Variants in SLC10A7 observed in about 807,000 individuals in gnomAD.
SLC10A7 encodes sodium/bile acid cotransporter 7.
SLC10A7 carries 29 observed loss-of-function variants against 43.2 expected under a neutral mutation model. The observed-to-expected ratio is 0.67, with a 90% confidence interval of 0.50 to 0.92. SLC10A7 has a LOEUF of 0.92. Ranked by LOEUF, SLC10A7 falls within the 40% of genes least tolerant of loss-of-function variation. The pLI, the probability that SLC10A7 is intolerant of heterozygous loss-of-function variation, is 0.00. For missense variants in SLC10A7, 295 were observed against 403.2 expected (o/e 0.73, Z 2.30); for synonymous variants, 152 against 144.8 (o/e 1.05, Z -0.35).
chr4:146,339,942 G>A (rs1447952217), intron 5 of SLC10A7, among the ~76,000 whole-genome samples: 3 of 151,050 alleles, frequency 2.0e-5, no homozygotes, highest in Non-Finnish European at 3.0e-5. Context: ...AGCTCCGCAT[G>A]CATTAGATAT....
At chr4:146,417,264 C>T (rs555571965) in intron 5 of SLC10A7, among the ~76,000 whole-genome samples, 1 of 152,268 alleles carries the variant, frequency 6.6e-6, no homozygotes, top group South Asian at 2.1e-4. Flanking sequence ...CAGGATGAAG[C>T]TTGAGAGGGA....
chr4:146,379,197 C>T (rs1349979125), intron 5 of SLC10A7, among the ~76,000 whole-genome samples: 3 of 152,220 alleles, frequency 2.0e-5, no homozygotes, highest in African/African-American at 7.2e-5. Flanking sequence ...TTCATTTAGA[C>T]ATATGCTGGT....
intron 5 of SLC10A7, among the ~76,000 whole-genome samples, chr4:146,354,236 C>T (rs1340626428): frequency 2.0e-5 from 3 of 149,612 alleles, no homozygotes; most frequent in African/African-American, 7.4e-5. Context: ...CATTCTTATA[C>T]ACCAACAACA....
chr4:146,392,753 A>G (rs957678089), intron 5 of SLC10A7, among the ~76,000 whole-genome samples: 1 of 152,184 alleles, frequency 6.6e-6, no homozygotes, highest in Non-Finnish European at 1.5e-5. Context: ...TAATCTTTCT[A>G]AAACTCAAAT....
At chr4:146,408,528 C>CA (rs926052007) in intron 5 of SLC10A7, 11 of 151,580 alleles carry the variant, frequency 7.3e-5, no homozygotes, top group South Asian at 2.1e-4. Flanking sequence ...CAAAACAAAA[C>CA]AAAAAAAATA....
At chr4:146,452,136 T>TC (rs1198282115) in intron 4 of SLC10A7, among the ~76,000 whole-genome samples, 5 of 152,222 alleles carry the variant, frequency 3.3e-5, no homozygotes, top group African/African-American at 1.2e-4. Context: ...AAAAACTATT[T>TC]CCTCTAAAAT....
intron 5 of SLC10A7, chr4:146,441,578 T>C (rs1730606127): frequency 2.8e-6 from 2 of 702,982 alleles, no homozygotes; most frequent in African/African-American, 1.9e-5. Context: ...TATTAAACAA[T>C]TGTGACAACG....
At chr4:146,465,054 C>A (rs906954136) in intron 4 of SLC10A7, among the ~76,000 whole-genome samples, 4 of 151,962 alleles carry the variant, frequency 2.6e-5, no homozygotes, top group African/African-American at 7.2e-5. Context: ...GAAATATTTC[C>A]ACTAAGAACA....
intron 10 of SLC10A7, 89 bp downstream of exon 10, chr4:146,283,102 AT>A: frequency 9.6e-7 from 1 of 1,038,644 alleles, no homozygotes; most frequent in Non-Finnish European, 1.5e-6. Context: ...ACCCCATTCC[AT>A]TTAATTTGAA....
At chr4:146,473,651 C>T (rs1420461598) in intron 4 of SLC10A7, among the ~76,000 whole-genome samples, 1 of 151,860 alleles carries the variant, frequency 6.6e-6, no homozygotes, top group Non-Finnish European at 1.5e-5. Flanking sequence ...CTAAATAATG[C>T]TATTTAAAAG....
At chr4:146,407,963 A>C (rs1271409765) in intron 5 of SLC10A7, among the ~76,000 whole-genome samples, 5 of 152,168 alleles carry the variant, frequency 3.3e-5, no homozygotes, top group Non-Finnish European at 7.3e-5. Context: ...TAAAGGGAAA[A>C]ACGTCAGTCA....
At position 146,258,777 on chromosome 4, in the gene SLC10A7, G is replaced by T. The variant is rs1276719105; in HGVS notation, c.908C>A (p.Pro303His). 1.2e-6 allele frequency: 2 copies of T among 1,609,850 alleles called. No individual in the cohort carries two copies. The highest frequency in any genetic ancestry group is 1.7e-5 in the Admixed American group (1 of 58,674). ...CTGAGCTGGGTGGTAGATGAGCAAG[G>T]GTACAGATATTAAAGAGAGATGCTC... ...GHEHLSLISV[P>H]LLIYHPAQIL... Residue 303 changes from proline (P) to histidine (H), a missense_variant, in exon 11 of 12, where the codon CCC becomes CAC. Pro to His is a moderately conservative substitution (Grantham distance 77). This residue lies in a region of SLC10A7 where 242 missense variants were observed against 362.5 expected (regional missense o/e 0.67). Transcript: ENST00000335472.
At position 146,521,826 on chromosome 4, in the gene SLC10A7, A is replaced by T; in HGVS notation, c.-109T>A. The T allele has an allele frequency of 2.3e-6, 2 of 882,048 alleles. No individual in the cohort carries two copies. The highest frequency in any genetic ancestry group is 2.5e-5 in the East Asian group (1 of 39,920). 54.6% of individuals were successfully genotyped at this position (882,048 alleles called of 1,614,324 possible). On this transcript the variant is annotated 5_prime_UTR_variant, in exon 1 of 12. It removes an upstream start codon present in the reference 5' UTR. Coordinates refer to ENST00000335472, the MANE Select transcript of SLC10A7 (RefSeq NM_001029998.6). ...CACACTTTCCTTGGTCCCTCCAGAC[A>T]TGCAGCAGAGCAAGTCAAATTGCCG... is the stretch of plus-strand genomic sequence containing the variant.
intron 6 of SLC10A7, among the ~76,000 whole-genome samples, chr4:146,306,549 T>C (rs1189055629): frequency 6.6e-6 from 1 of 152,196 alleles, no homozygotes; most frequent in African/African-American, 2.4e-5. Flanking sequence ...CAACTTAAAA[T>C]TTCAATATAG....
intron 5 of SLC10A7, among the ~76,000 whole-genome samples, chr4:146,374,283 C>T (rs949447687): frequency 6.6e-6 from 1 of 152,100 alleles, no homozygotes; most frequent in East Asian, 1.9e-4. Context: ...TTTTCCCCTC[C>T]CATCTTATAA....
In SLC10A7 at chr4:146,349,835, G is replaced by A. The variant is rs2357077; in HGVS notation, c.436-23839C>T. Among the ~76,000 whole-genome samples, 484 of 152,208 alleles carry A rather than the reference G, an allele frequency of 3.2e-3. 10 individuals are homozygous for A. Among genetic ancestry groups the A allele is most frequent in the Admixed American group, 0.03 (460 of 15,294 alleles). Reference sequence around the variant, plus strand: ...CAACAATAGACACTGGGGACTAATAGAGCAGGGATGAAGGAAGGGAGGCAA... The same window carrying A: ...CAACAATAGACACTGGGGACTAATAAAGCAGGGATGAAGGAAGGGAGGCAA... On this transcript the variant is annotated intron_variant, in intron 5 of 11. Transcript: ENST00000335472.
chr4:146,305,805 A>C, intron 7 of SLC10A7, 121 bp downstream of exon 7: 1 of 820,866 alleles, frequency 1.2e-6, no homozygotes. Flanking sequence ...TTTTGTTTTT[A>C]GTCTCATATT....
intron 5 of SLC10A7, among the ~76,000 whole-genome samples, chr4:146,363,203 G>C (rs1005213363): frequency 6.6e-6 from 1 of 152,078 alleles, no homozygotes; most frequent in Non-Finnish European, 1.5e-5. Flanking sequence ...TGAATAAAGA[G>C]CAGGAGTAAC....
At chr4:146,274,467 G>A (rs1017739099) in intron 10 of SLC10A7, among the ~76,000 whole-genome samples, 2 of 152,040 alleles carry the variant, frequency 1.3e-5, no homozygotes, top group Non-Finnish European at 2.9e-5. Flanking sequence ...GCCCCCCAAA[G>A]TTCTGGGATT....
Sources: gnomAD v4.1 joint callset for allele counts (sites outside exome capture counted in the v4.1 genomes callset) on GRCh38, gnomAD v4.1.1 for gene constraint, gnomAD v4.1.1 regional missense constraint, MANE v1.5 for transcripts, NCBI Gene and HGNC (gene_info 2026-07-23, HGNC 2026-07-21) for gene names.